The following TTC34 variants were observed in gnomAD, a reference collection of about 807,000 sequenced individuals.
TTC34 encodes tetratricopeptide repeat protein 34.
In TTC34, 44 loss-of-function variants were observed where a neutral mutation model predicts 40.7. The ratio of observed to expected loss-of-function variants is 1.08; its 90% CI spans 0.85 to 1.39. The LOEUF (loss-of-function observed/expected upper bound fraction) is 1.39. TTC34 is among the 40% of genes most tolerant of loss of function. The probability of loss-of-function intolerance (pLI) is 0.00; values close to 1 mark genes in which losing one functional copy is unlikely to be tolerated. For synonymous variants in TTC34, 422 were observed against 398.6 expected, an observed-to-expected ratio of 1.06 and a Z score of -0.70; for missense variants, 884 against 838.0, an observed-to-expected ratio of 1.05 and a Z score of -0.68.
At chr1:2,785,055 C>T (rs985808789) in intron 5 of TTC34, among the ~76,000 whole-genome samples, 5 of 152,008 alleles carry the variant, frequency 3.3e-5, no homozygotes, top group African/African-American at 1.2e-4. Flanking sequence ...AGGGCATGCT[C>T]TCTGTGCCAG....
At chr1:2,684,980 T>C (rs112175522) in intron 6 of TTC34, among the ~76,000 whole-genome samples, 531 of 29,666 alleles carry the variant, frequency 0.018, no homozygotes, top group Middle Eastern at 0.079. Flanking sequence ...ATCTGACAGC[T>C]TAGAACAGCA....
In TTC34 at chr1:2,785,814, C is replaced by T. The variant is rs774452191; in HGVS notation, c.2059+5G>A. The T allele has an allele frequency of 1.1e-5, 17 of 1,543,016 alleles. No individual in the cohort carries two copies. In the African/African-American group the frequency reaches 1.7e-4, roughly 15 times the overall value. ...GGGCCCTGGGGGCAGGTGGGCAGCT[C>T]CTACCTGCGGCAAAGATGGCCAGAG... is the stretch of plus-strand genomic sequence containing the variant. On this transcript the variant is annotated splice_donor_5th_base_variant and intron_variant, in intron 5 of 8. Coordinates refer to ENST00000401095, the Ensembl canonical transcript of TTC34.
intron 6 of TTC34, among the ~76,000 whole-genome samples, chr1:2,676,923 C>A (rs1639924618): frequency 2.9e-5 from 4 of 135,768 alleles, no homozygotes; most frequent in South Asian, 4.8e-4. Context: ...GAGCAGCACC[C>A]ACACCCCCAG....
chr1:2,649,438 C>T lies in TTC34; in HGVS notation c.2227-3875G>A, dbSNP rs147555828. Among the ~76,000 whole-genome samples, 262 of 151,712 alleles carry T rather than the reference C, an allele frequency of 1.7e-3. 1 individual carries two copies. The highest frequency in any genetic ancestry group is 6.0e-3 in the African/African-American group (250 of 41,342). On this transcript the variant is annotated intron_variant, in intron 6 of 8. Transcript: ENST00000401095. ...ACCTGACAGCCTGGAACAGCAGTGC[C>T]CATACCCAGGTGAGCATCTGAAACC...
At chr1:2,756,604 A>T (rs1641513630) in intron 6 of TTC34, among the ~76,000 whole-genome samples, 7 of 152,128 alleles carry the variant, frequency 4.6e-5, no homozygotes, top group African/African-American at 1.7e-4. Flanking sequence ...TGAGCATCTG[A>T]CAGCCTGGAA....
chr1:2,688,394 G>A (rs1640470863), intron 6 of TTC34, among the ~76,000 whole-genome samples: 2 of 152,122 alleles, frequency 1.3e-5, no homozygotes, highest in African/African-American at 4.8e-5. Context: ...CTGACAGCCT[G>A]GAACAGCACC....
intron 6 of TTC34, among the ~76,000 whole-genome samples, chr1:2,685,659 G>A (rs1307110039): frequency 1.4e-5 from 2 of 142,422 alleles, no homozygotes; most frequent in Non-Finnish European, 1.5e-5. Flanking sequence ...GCATCTGACA[G>A]CCTGGAGCAG....
chr1:2,697,318 A>C (rs1384783459), intron 6 of TTC34, among the ~76,000 whole-genome samples: 282 of 56,714 alleles, frequency 5.0e-3, no homozygotes, highest in Middle Eastern at 0.016. Flanking sequence ...GGAACAGCAC[A>C]CACACCCCCA....
At chr1:2,800,375 C>T in exon 2 of TTC34, 1 of 398,514 alleles carries the variant, frequency 2.5e-6, no homozygotes, top group Non-Finnish European at 4.4e-6. Flanking sequence ...CTGCCTGCAC[C>T]CCGGACAGGA....
At chr1:2,644,553 G>T (rs1638980797) in intron 7 of TTC34, 75 bp from the exon 8 acceptor site, 1 of 1,403,810 alleles carries the variant, frequency 7.1e-7, no homozygotes, top group Admixed American at 2.1e-5. Context: ...CTCGCTGGCC[G>T]CTCCTTCCCT....
At chr1:2,642,053 G>A (rs76431268) in intron 8 of TTC34, among the ~76,000 whole-genome samples, 158 bp from the exon 9 acceptor site, 1 of 152,156 alleles carries the variant, frequency 6.6e-6, no homozygotes, top group Admixed American at 6.5e-5. Context: ...TGCTTCTGGA[G>A]GGGCTGGCTG....
Position 2,644,389 on chromosome 1 carries a change from G to A in TTC34, c.2587C>T (p.Gln863Ter). 1 of 1,536,026 alleles carries A rather than the reference G, an allele frequency of 6.5e-7. No homozygotes were observed. The highest frequency in any genetic ancestry group is 8.7e-7 in the Non-Finnish European group (1 of 1,146,880). ...CCTGGCACGTCTCCCTTCTTGAGCT[G>A]GAGCAGGCCCAGCCGGGCCCGGGCT... The change falls in exon 8 of 9, where the codon CAG (glutamine) becomes TAG (stop). Residue 863 changes from glutamine to a stop codon, truncating the protein, a stop_gained. Coordinates refer to ENST00000401095, the Ensembl canonical transcript of TTC34. LOFTEE classifies it high-confidence loss of function.
intron 6 of TTC34, among the ~76,000 whole-genome samples, chr1:2,691,796 A>G (rs1640631822): frequency 1.1e-5 from 1 of 91,834 alleles, no homozygotes; most frequent in African/African-American, 3.6e-5. Context: ...CCAGGCGAGC[A>G]TCCGACAGCC....
intron 6 of TTC34, among the ~76,000 whole-genome samples, chr1:2,767,422 G>A (rs1257823511): frequency 1.2e-4 from 17 of 143,890 alleles, no homozygotes; most frequent in African/African-American, 3.1e-4. Flanking sequence ...GCATCTGACC[G>A]CATGGAATGG....
At chr1:2,768,095 A>T (rs1265914346) in intron 6 of TTC34, among the ~76,000 whole-genome samples, 1 of 151,436 alleles carries the variant, frequency 6.6e-6, no homozygotes, top group East Asian at 2.0e-4. Flanking sequence ...TCCCCAGGTA[A>T]GTGTCTGACA....
intron 6 of TTC34, among the ~76,000 whole-genome samples, chr1:2,761,978 C>A (rs1292959389): frequency 2.1e-5 from 1 of 48,048 alleles, no homozygotes. Context: ...CAACCTTAGG[C>A]GAGCATCTGA....
At chr1:2,797,571 G>A (rs1239194234) in intron 2 of TTC34, among the ~76,000 whole-genome samples, 4 of 152,196 alleles carry the variant, frequency 2.6e-5, no homozygotes, top group African/African-American at 9.7e-5. Context: ...CTCAGTAGGT[G>A]ACATTATTCT....
intron 6 of TTC34, among the ~76,000 whole-genome samples, chr1:2,657,580 A>G (rs1258860819): frequency 6.7e-5 from 6 of 90,058 alleles, no homozygotes; most frequent in East Asian, 2.7e-4. Context: ...AGCACCCACA[A>G]GCACAAGTGA....
intron 6 of TTC34, among the ~76,000 whole-genome samples, chr1:2,750,681 C>CAAACGCCCAGA (rs1641288527): frequency 3.1e-5 from 4 of 127,236 alleles, no homozygotes; most frequent in Non-Finnish European, 5.1e-5. Context: ...GAACAGCACC[C>CAAACGCCCAGA]TGCACCCCCA....
Sources: gnomAD v4.1 joint callset for allele counts (sites outside exome capture counted in the v4.1 genomes callset) on GRCh38, gnomAD v4.1.1 for gene constraint, MANE v1.5 for transcripts, NCBI Gene and HGNC (gene_info 2026-07-23, HGNC 2026-07-21) for gene names.